Variants in ACACA observed in about 807,000 individuals in gnomAD.
ACACA encodes the protein acetyl-CoA carboxylase alpha.
A neutral mutation model predicts 296.1 loss-of-function variants in ACACA; 103 were observed. The ratio of observed to expected loss-of-function variants is 0.35; its 90% confidence interval spans 0.30 to 0.41. The LOEUF is 0.41. Ranked by LOEUF, ACACA falls within the 10% of genes least tolerant of loss-of-function variation. The pLI, the probability that ACACA is intolerant of heterozygous loss-of-function variation, is 1.00. For missense variants in ACACA, 1,554 were observed against 2,989.7 expected (o/e 0.52, Z 11.20); for synonymous variants, 953 against 1,038.6 (o/e 0.92, Z 1.58).
rs563139051 is a variant in ACACA, at chr17:37,197,212, A to G, written c.4158+2927T>C. ...GTAAATGCTTATAGCAATCACTGTC[A>G]TCCAAATCAGTACCTAACAATATAC... On this transcript the variant is annotated intron_variant, in intron 35 of 55. Coordinates refer to ENST00000616317, the MANE Select transcript of ACACA (RefSeq NM_198834.3). 5.7e-4 allele frequency among the ~76,000 whole-genome samples: 87 copies of G among 152,352 alleles called. No homozygotes were observed. In the South Asian group the frequency reaches 7.0e-3, roughly 12 times the overall value.
intron 1 of ACACA, among the ~76,000 whole-genome samples, chr17:37,373,010 A>C (rs1297632797): frequency 6.6e-6 from 1 of 151,946 alleles, no homozygotes; most frequent in African/African-American, 2.4e-5. Flanking sequence ...CCTCCCAAGT[A>C]GCTGGGACTA....
intron 1 of ACACA, among the ~76,000 whole-genome samples, chr17:37,344,818 G>A (rs966947625): frequency 3.9e-5 from 6 of 152,090 alleles, no homozygotes; most frequent in African/African-American, 4.8e-5. Flanking sequence ...AGAAAATAAG[G>A]AGGATTGGTT....
At chr17:37,169,870 G>A (rs2076820035) in intron 41 of ACACA, among the ~76,000 whole-genome samples, 3 of 152,114 alleles carry the variant, frequency 2.0e-5, no homozygotes, top group Admixed American at 2.0e-4. Context: ...GAAGATGGAA[G>A]AGCTAAGAAA....
intron 14 of ACACA, among the ~76,000 whole-genome samples, chr17:37,256,784 T>C (rs1405241067): frequency 6.6e-6 from 1 of 152,182 alleles, no homozygotes; most frequent in Non-Finnish European, 1.5e-5. Context: ...AATCAATAAG[T>C]GTTTATTAAT....
Position 37,297,370 on chromosome 17 carries a change from G to A in ACACA, c.339-12400C>T, listed in dbSNP as rs1490089695. On this transcript the variant is annotated intron_variant, in intron 3 of 55. Transcript: ENST00000616317. ...GCAGGGGAATCGCTTGAACCCGGGA[G>A]GCAGAGGTTGTGGTGAGCCAAGATC... 2.6e-5 allele frequency among the ~76,000 whole-genome samples: 4 copies of A among 151,114 alleles called. No individual in the cohort carries two copies. In the South Asian group the frequency reaches 6.3e-4, roughly 24 times the overall value.
chr17:37,126,806 C>CA (rs2074809781), intron 47 of ACACA, among the ~76,000 whole-genome samples: 1 of 152,160 alleles, frequency 6.6e-6, no homozygotes, highest in Non-Finnish European at 1.5e-5. Context: ...TCATCCATTT[C>CA]AAAATTATCT....
intron 42 of ACACA, among the ~76,000 whole-genome samples, chr17:37,156,882 G>A (rs2076274454): frequency 1.3e-5 from 2 of 152,184 alleles, no homozygotes; most frequent in Non-Finnish European, 2.9e-5. Flanking sequence ...GATTGGTCTT[G>A]CATGATTTGT....
At chr17:37,122,364 G>A (rs1385975102) in intron 49 of ACACA, among the ~76,000 whole-genome samples, 167 bp downstream of exon 49, 5 of 152,266 alleles carry the variant, frequency 3.3e-5, no homozygotes, top group East Asian at 1.9e-4. Flanking sequence ...CTTCTAGTCC[G>A]TTTAGACTCA....
At chr17:37,219,588 G>A (rs2079186676) in intron 29 of ACACA, among the ~76,000 whole-genome samples, 1 of 151,734 alleles carries the variant, frequency 6.6e-6, no homozygotes, top group African/African-American at 2.4e-5. Flanking sequence ...TTCAATTGCA[G>A]TACACCAGCT....
chr17:37,336,660 T>G (rs2048133344), intron 2 of ACACA, among the ~76,000 whole-genome samples: 1 of 152,182 alleles, frequency 6.6e-6, no homozygotes, highest in Admixed American at 6.5e-5. Flanking sequence ...CTGTCTTCAC[T>G]CTATTAAATC....
intron 48 of ACACA, among the ~76,000 whole-genome samples, chr17:37,124,542 T>C (rs1272041771): frequency 6.6e-6 from 1 of 152,226 alleles, no homozygotes; most frequent in Admixed American, 6.5e-5. Flanking sequence ...TCTAACAAGC[T>C]GATACAGGAG....
At chr17:37,291,167 C>CACACACACACACACAT (rs1406633859) in intron 3 of ACACA, among the ~76,000 whole-genome samples, 4 of 61,684 alleles carry the variant, frequency 6.5e-5, no homozygotes, top group African/African-American at 1.7e-4. Flanking sequence ...CACACACACA[C>CACACACACACACACAT]ATCTCATAAT....
chr17:37,405,692 A>G (rs568249089), intron 1 of ACACA, among the ~76,000 whole-genome samples: 1 of 152,140 alleles, frequency 6.6e-6, no homozygotes, highest in South Asian at 2.1e-4. Flanking sequence ...AGCTGGGATT[A>G]CAGGTGCCTG....
chr17:37,310,790 T>A (rs1273385020), intron 3 of ACACA, among the ~76,000 whole-genome samples: 1 of 97,652 alleles, frequency 1.0e-5, no homozygotes, highest in Non-Finnish European at 1.9e-5. Context: ...CGAGACACCA[T>A]CTCAAAAAAA....
In ACACA at chr17:37,089,084, G is replaced by C; in HGVS notation, c.6892-10C>G. The stretch of plus-strand genomic sequence containing the variant: ...TGTCCCAAACATAAGCCTGCAAACA[G>C]ATGACTCTTGGTCAAACACCAGGGG... On this transcript the variant is annotated splice_polypyrimidine_tract_variant and intron_variant, in intron 54 of 55. Transcript: ENST00000616317. 1 of 1,614,134 alleles carries C rather than the reference G, an allele frequency of 6.2e-7. No individual in the cohort carries two copies. The highest frequency in any genetic ancestry group is 8.5e-7 in the Non-Finnish European group (1 of 1,180,014).
intron 1 of ACACA, among the ~76,000 whole-genome samples, chr17:37,358,717 C>T (rs1411394012): frequency 2.6e-5 from 4 of 152,136 alleles, no homozygotes; most frequent in Admixed American, 6.5e-5. Context: ...CTCCAGCCCC[C>T]CTTCCTAGAG....
intron 11 of ACACA, among the ~76,000 whole-genome samples, chr17:37,261,309 G>A (rs2081504670): frequency 6.6e-6 from 1 of 152,154 alleles, no homozygotes; most frequent in Non-Finnish European, 1.5e-5. Flanking sequence ...TTAAATCAAG[G>A]CAAGAGAGAT....
At chr17:37,194,567 T>C (rs2077904952) in intron 35 of ACACA, among the ~76,000 whole-genome samples, 1 of 152,190 alleles carries the variant, frequency 6.6e-6, no homozygotes, top group South Asian at 2.1e-4. Flanking sequence ...TATTATAATC[T>C]AAATTCCTCA....
rs1226025552 is a variant in ACACA at position 37,179,454 on chromosome 17, T to C, written c.4933-48A>G. On this transcript the variant is annotated intron_variant, in intron 40 of 55. Transcript: ENST00000616317. ...CTAATCAGTCACAATAATTTCAATA[T>C]AGACAAAAATAATTATTAAGATTCA... is the stretch of plus-strand genomic sequence containing the variant. 6 of 1,593,362 alleles carry C rather than the reference T, an allele frequency of 3.8e-6. No individual in the cohort carries two copies. In the Admixed American group the frequency reaches 6.7e-5, roughly 18 times the overall value.
Sources: allele counts gnomAD v4.1 joint callset (sites outside exome capture counted in the v4.1 genomes callset), GRCh38; gene constraint gnomAD v4.1.1; transcripts MANE v1.5; gene names NCBI Gene and HGNC (gene_info 2026-07-23, HGNC 2026-07-21).